Variants in KCNJ15 observed in about 807,000 individuals in gnomAD.
KCNJ15 encodes the protein potassium inwardly rectifying channel subfamily J member 15.
A neutral mutation model predicts 23.0 loss-of-function variants in KCNJ15; 14 were observed. The ratio of observed to expected loss-of-function variants is 0.61; its 90% confidence interval spans 0.40 to 0.95. The LOEUF (loss-of-function observed/expected upper bound fraction) is 0.95, where lower values mean the gene tolerates loss of function less well. Among genes scored for constraint, KCNJ15 ranks in the 40% least tolerant of loss-of-function variants. The pLI, the probability that KCNJ15 is intolerant of heterozygous loss-of-function variation, is 0.00. For missense variants in KCNJ15, 388 were observed against 461.8 expected (o/e 0.84, Z 1.46); for synonymous variants, 185 against 183.2 (o/e 1.01, Z -0.08).
At chr21:38,241,788 G>A (rs1382493728) in intron 1 of KCNJ15, among the ~76,000 whole-genome samples, 1 of 151,892 alleles carries the variant, frequency 6.6e-6, no homozygotes, top group Non-Finnish European at 1.5e-5. Flanking sequence ...GCAACATGGT[G>A]AAACCCCGTC....
chr21:38,255,293 A>G (rs964361167), upstream of KCNJ15, among the ~76,000 whole-genome samples: 2 of 152,138 alleles, frequency 1.3e-5, no homozygotes, highest in Non-Finnish European at 2.9e-5. Context: ...AAATCATCCC[A>G]CCTGAGCAGC....
chr21:38,237,955 CAACAAG>C (rs111293260), intron 1 of KCNJ15, among the ~76,000 whole-genome samples: 3,013 of 152,098 alleles, frequency 0.02, 96 homozygotes, highest in African/African-American at 0.066. Context: ...CTAAAAACAA[CAACAAG>C]AACAACAGTA....
At chr21:38,277,224 T>C (rs556637244) in intron 1 of KCNJ15, among the ~76,000 whole-genome samples, 4 of 152,322 alleles carry the variant, frequency 2.6e-5, no homozygotes, top group African/African-American at 9.6e-5. Flanking sequence ...GAACATTTGA[T>C]GGCTGATGGG....
chr21:38,294,011 A>G (rs1335714301), intron 1 of KCNJ15, among the ~76,000 whole-genome samples: 1 of 152,114 alleles, frequency 6.6e-6, no homozygotes, highest in Non-Finnish European at 1.5e-5. Context: ...GTCATGGTGC[A>G]TGTGCTCCTG....
At chr21:38,254,482 T>C (rs936280904), upstream of KCNJ15, among the ~76,000 whole-genome samples, 4 of 152,250 alleles carry the variant, frequency 2.6e-5, no homozygotes, top group African/African-American at 9.6e-5. Flanking sequence ...AAAATTGTTA[T>C]AAATGAGTAT....
chr21:38,258,932 C>G (rs1339172117), intron 1 of KCNJ15, among the ~76,000 whole-genome samples: 2 of 152,074 alleles, frequency 1.3e-5, no homozygotes, highest in Admixed American at 6.6e-5. Flanking sequence ...GGGCTCTTTC[C>G]CATAAGGCTC....
intron 1 of KCNJ15, among the ~76,000 whole-genome samples, chr21:38,286,332 A>C (rs1035310788): frequency 2.0e-5 from 3 of 152,176 alleles, no homozygotes; most frequent in African/African-American, 7.2e-5. Context: ...ATGAAGACCA[A>C]GCATTATGTA....
chr21:38,232,763 T>C (rs1012793399), intron 1 of KCNJ15, among the ~76,000 whole-genome samples: 25 of 152,040 alleles, frequency 1.6e-4, no homozygotes, highest in African/African-American at 5.3e-4. Flanking sequence ...ATTTTTAAAA[T>C]TTTATTCTAT....
chr21:38,296,237 A>G (rs1832458269), intron 1 of KCNJ15, among the ~76,000 whole-genome samples: 1 of 146,432 alleles, frequency 6.8e-6, no homozygotes, highest in Non-Finnish European at 1.5e-5. Context: ...GTGATATATA[A>G]TAAATGATAG....
rs1984614809 is a variant in KCNJ15, at chr21:38,291,567, A to G, written c.-116-5359A>G. The G allele has an allele frequency of 2.6e-5, 4 of 152,212 alleles. No homozygotes were observed. The South Asian group carries it at 8.3e-4, about 32-fold the overall frequency. 9.4% of individuals were successfully genotyped at this position (152,212 alleles called of 1,614,324 possible). A position where few individuals can be genotyped will look rare whatever the true frequency, so the allele number is the denominator to read the frequency against. The stretch of plus-strand genomic sequence containing the variant: ...AAGTAATGAGACTAAATTTTAGACA[A>G]TCTAATTTCTTGGCTTATTCATTTT... On this transcript the variant is annotated intron_variant, in intron 1 of 2. Coordinates refer to ENST00000398938, the MANE Select transcript of KCNJ15 (RefSeq NM_170736.3).
chr21:38,232,333 C>T (rs1224142612), intron 1 of KCNJ15, among the ~76,000 whole-genome samples: 1 of 151,684 alleles, frequency 6.6e-6, no homozygotes, highest in Non-Finnish European at 1.5e-5. Flanking sequence ...TGAGTCTTCT[C>T]TCTTTTTTTC....
intron 1 of KCNJ15, among the ~76,000 whole-genome samples, chr21:38,296,297 ATAG>A (rs1985150620): frequency 1.1e-4 from 2 of 18,136 alleles, no homozygotes; most frequent in African/African-American, 2.3e-4. Context: ...TAGATAATAG[ATAG>A]GCAGATAGCT....
chr21:38,270,507 T>C (rs1013303530), intron 1 of KCNJ15, among the ~76,000 whole-genome samples: 1 of 152,200 alleles, frequency 6.6e-6, no homozygotes, highest in Non-Finnish European at 1.5e-5. Flanking sequence ...AGAAGGCATC[T>C]CACTCCATCT....
At chr21:38,241,837 T>C (rs1979018684) in intron 1 of KCNJ15, among the ~76,000 whole-genome samples, 2 of 151,804 alleles carry the variant, frequency 1.3e-5, no homozygotes, top group Non-Finnish European at 2.9e-5. Flanking sequence ...GACATTGTGA[T>C]GGGCACCTGT....
chr21:38,258,196 C>T (rs540559634), intron 1 of KCNJ15, among the ~76,000 whole-genome samples: 1 of 152,298 alleles, frequency 6.6e-6, no homozygotes, highest in African/African-American at 2.4e-5. Context: ...CTTTTGTCCT[C>T]TTGTGAATGT....
chr21:38,255,928 T>C (rs79509116), upstream of KCNJ15, among the ~76,000 whole-genome samples: 4,481 of 152,290 alleles, frequency 0.029, 213 homozygotes, highest in African/African-American at 0.1. Flanking sequence ...CGTGTGGGTA[T>C]ATCATCGTCT....
chr21:38,277,965 A>G lies in KCNJ15; in HGVS notation c.-116-18961A>G, dbSNP rs898608034. Reference sequence around the variant, plus strand: ...TGCTACTTAGGGTACAAAGGTGGACATGGCCCAACCCCTGCCCTCAAAGAA... The same window carrying G: ...TGCTACTTAGGGTACAAAGGTGGACGTGGCCCAACCCCTGCCCTCAAAGAA... On this transcript the variant is annotated intron_variant, in intron 1 of 2. Transcript: ENST00000398938. 2.6e-5 allele frequency among the ~76,000 whole-genome samples: 4 copies of G among 152,306 alleles called. No homozygotes were observed. The South Asian group carries it at 8.3e-4, about 32-fold the overall frequency.
intron 1 of KCNJ15, among the ~76,000 whole-genome samples, chr21:38,268,568 A>AG (rs1981727147): frequency 7.0e-6 from 1 of 143,112 alleles, no homozygotes; most frequent in African/African-American, 2.8e-5. Context: ...AAAAAAAAAA[A>AG]AAAAAAAAAG....
intron 1 of KCNJ15, among the ~76,000 whole-genome samples, chr21:38,243,412 G>T (rs1979142355): frequency 6.6e-6 from 1 of 152,016 alleles, no homozygotes; most frequent in Non-Finnish European, 1.5e-5. Context: ...AGAAGTCCAG[G>T]CAGTAAATAT....
Sources: gnomAD v4.1 joint callset for allele counts (sites outside exome capture counted in the v4.1 genomes callset) on GRCh38, gnomAD v4.1.1 for gene constraint, MANE v1.5 for transcripts, NCBI Gene and HGNC (gene_info 2026-07-23, HGNC 2026-07-21) for gene names.